Variants in THSD7B observed in about 807,000 individuals in gnomAD.
THSD7B encodes the protein thrombospondin type-1 domain-containing protein 7B.
A neutral mutation model predicts 213.6 loss-of-function variants in THSD7B; 138 were observed. The observed-to-expected ratio is 0.65, with a 90% CI of 0.56 to 0.74. The LOEUF (loss-of-function observed/expected upper bound fraction) is 0.74, where lower values mean the gene tolerates loss of function less well. Ranked by LOEUF, THSD7B falls within the 30% of genes least tolerant of loss-of-function variation. The pLI is 0.00. For missense variants in THSD7B, 1,931 were observed against 1,991.5 expected, an observed-to-expected ratio of 0.97 and a Z score of 0.58; for synonymous variants, 742 against 687.0, an observed-to-expected ratio of 1.08 and a Z score of -1.25.
intron 12 of THSD7B, among the ~76,000 whole-genome samples, chr2:137,364,086 C>A (rs1271994511): frequency 1.3e-5 from 2 of 152,200 alleles, no homozygotes; most frequent in Non-Finnish European, 2.9e-5. Context: ...GCTGGTTCAA[C>A]ATACGCAAAT....
At chr2:137,101,393 A>C (rs1344907870) in intron 4 of THSD7B, among the ~76,000 whole-genome samples, 2 of 152,232 alleles carry the variant, frequency 1.3e-5, no homozygotes, top group African/African-American at 4.8e-5. Flanking sequence ...GTAGGTATTT[A>C]ATAAATGGTT....
At chr2:137,019,416 C>T (rs552224866) in intron 2 of THSD7B, among the ~76,000 whole-genome samples, 44 of 152,322 alleles carry the variant, frequency 2.9e-4, no homozygotes, top group Non-Finnish European at 5.3e-4. Flanking sequence ...TCAGTTACCA[C>T]GGAATAACTT....
At chr2:137,230,983 A>G (rs1681626281) in intron 7 of THSD7B, 61 bp from the exon 8 acceptor site, 1 of 1,506,618 alleles carries the variant, frequency 6.6e-7, no homozygotes, top group Non-Finnish European at 9.1e-7. Context: ...GAAGTAATAG[A>G]TAAAGCAGTG....
chr2:137,164,505 T>C (rs1043784037), intron 6 of THSD7B, among the ~76,000 whole-genome samples: 2 of 149,562 alleles, frequency 1.3e-5, no homozygotes, highest in Admixed American at 6.6e-5. Flanking sequence ...AGAAATACCA[T>C]TTGACCCAGC....
intron 12 of THSD7B, among the ~76,000 whole-genome samples, chr2:137,402,975 C>T (rs1686406680): frequency 6.6e-6 from 1 of 152,068 alleles, no homozygotes; most frequent in Non-Finnish European, 1.5e-5. Flanking sequence ...GTTATCTAAA[C>T]AAGCAATTCA....
At chr2:137,415,148 C>G (rs1466348400) in intron 14 of THSD7B, among the ~76,000 whole-genome samples, 1 of 151,990 alleles carries the variant, frequency 6.6e-6, no homozygotes, top group Non-Finnish European at 1.5e-5. Context: ...AAGTGCTTCC[C>G]CCTTTTAAAT....
chr2:136,973,227 T>A (rs1685431411), intron 2 of THSD7B, among the ~76,000 whole-genome samples: 1 of 152,180 alleles, frequency 6.6e-6, no homozygotes, highest in East Asian at 1.9e-4. Context: ...GTAAAAGATG[T>A]CCCATCTGTA....
At chr2:136,945,643 A>G (rs523115) in intron 2 of THSD7B, among the ~76,000 whole-genome samples, 61,566 of 151,996 alleles carry the variant, frequency 0.41, 14,750 homozygotes, top group Non-Finnish European at 0.55. Flanking sequence ...TCATAGTGCC[A>G]TATTTCTTGG....
intron 6 of THSD7B, among the ~76,000 whole-genome samples, chr2:137,168,301 A>G (rs1408464809): frequency 6.6e-6 from 1 of 152,210 alleles, no homozygotes; most frequent in Admixed American, 6.5e-5. Context: ...GAAACTCAAT[A>G]AATGAAAGTG....
chr2:136,802,671 A>ATATATATATG (rs1682210944), intron 1 of THSD7B, among the ~76,000 whole-genome samples: 1 of 121,836 alleles, frequency 8.2e-6, no homozygotes, highest in Non-Finnish European at 1.7e-5. Flanking sequence ...ATATATATAT[A>ATATATATATG]TATATATATA....
chr2:137,137,241 C>T (rs9287464), intron 5 of THSD7B, among the ~76,000 whole-genome samples: 64,841 of 151,982 alleles, frequency 0.43, 15,646 homozygotes, highest in Non-Finnish European at 0.54. Context: ...CTATCACCCC[C>T]AGAAGGTTTC....
intron 27 of THSD7B, among the ~76,000 whole-genome samples, chr2:137,675,403 C>CATATATATATAT (rs55940004): frequency 2.1e-4 from 24 of 116,518 alleles, no homozygotes; most frequent in African/African-American, 3.2e-4. Context: ...AAATGAATGC[C>CATATATATATAT]ATATATATAT....
At chr2:137,519,218 C>T (rs1002008287) in intron 15 of THSD7B, among the ~76,000 whole-genome samples, 1 of 147,132 alleles carries the variant, frequency 6.8e-6, no homozygotes, top group Non-Finnish European at 1.5e-5. Context: ...CGCCACTGCA[C>T]TCTAGCCTGG....
intron 15 of THSD7B, among the ~76,000 whole-genome samples, chr2:137,486,858 T>C (rs1688458812): frequency 6.6e-6 from 1 of 152,254 alleles, no homozygotes; most frequent in African/African-American, 2.4e-5. Flanking sequence ...ACCGCTCAAC[T>C]ACATGGAAAC....
chr2:136,770,636 T>C (rs1248910104), intron 1 of THSD7B, among the ~76,000 whole-genome samples: 1 of 152,176 alleles, frequency 6.6e-6, no homozygotes, highest in East Asian at 1.9e-4. Context: ...CCAGTGATAT[T>C]ACCTAAGGCT....
intron 10 of THSD7B, among the ~76,000 whole-genome samples, chr2:137,261,145 A>G (rs1174331917): frequency 6.6e-6 from 1 of 152,066 alleles, no homozygotes; most frequent in East Asian, 1.9e-4. Context: ...AATAAGACCT[A>G]GAGAGGCTCA....
chr2:137,065,197 G>C (rs948528228), intron 3 of THSD7B, among the ~76,000 whole-genome samples: 1 of 151,574 alleles, frequency 6.6e-6, no homozygotes, highest in Admixed American at 6.6e-5. Context: ...TTCTCCTTTG[G>C]TGTTTTATAG....
At chr2:137,048,074 A>C (rs1263273511) in intron 2 of THSD7B, among the ~76,000 whole-genome samples, 2 of 151,352 alleles carry the variant, frequency 1.3e-5, no homozygotes, top group South Asian at 2.1e-4. Context: ...CCACCCCCCA[A>C]CAGGCCCTGT....
chr2:136,807,958 C>T (rs1682313495), intron 1 of THSD7B, among the ~76,000 whole-genome samples: 1 of 152,188 alleles, frequency 6.6e-6, no homozygotes, highest in African/African-American at 2.4e-5. Context: ...CTTCTGGACC[C>T]TCTTAGTGGA....
Sources: gnomAD v4.1 joint callset for allele counts (sites outside exome capture counted in the v4.1 genomes callset) on GRCh38, gnomAD v4.1.1 for gene constraint, MANE v1.5 for transcripts, NCBI Gene and HGNC (gene_info 2026-07-23, HGNC 2026-07-21) for gene names.